SYNPR: variants seen among roughly 807,000 people sequenced by gnomAD.
SYNPR encodes the protein synaptoporin.
In SYNPR, 23 loss-of-function variants were observed where a neutral mutation model predicts 32.9. The ratio of observed to expected loss-of-function variants is 0.70; its 90% CI spans 0.50 to 0.99. SYNPR has a LOEUF of 0.99. Ranked by LOEUF, SYNPR falls within the 50% of genes least tolerant of loss-of-function variation. SYNPR has a pLI of 0.00. For synonymous variants in SYNPR, 146 were observed against 135.9 expected (o/e 1.07, Z -0.52); for missense variants, 318 against 349.3 (o/e 0.91, Z 0.71).
chr3:63,272,518 T>C (rs2086545489), intron 3 of SYNPR, among the ~76,000 whole-genome samples: 1 of 151,932 alleles, frequency 6.6e-6, no homozygotes, highest in South Asian at 2.1e-4. Flanking sequence ...GCATTTTTTT[T>C]TTTTTTTTTG....
chr3:63,552,442 G>A (rs1702519445), intron 3 of SYNPR, among the ~76,000 whole-genome samples: 2 of 152,146 alleles, frequency 1.3e-5, no homozygotes, highest in African/African-American at 4.8e-5. Flanking sequence ...GAATGCTTCT[G>A]TTGTCCTGAA....
chr3:63,473,030 T>G (rs975144793), intron 2 of SYNPR, among the ~76,000 whole-genome samples: 2 of 152,112 alleles, frequency 1.3e-5, no homozygotes, highest in Non-Finnish European at 2.9e-5. Flanking sequence ...TCTGCCTGCC[T>G]CTTAAACTGA....
chr3:63,562,308 G>A (rs1702704982), intron 4 of SYNPR, among the ~76,000 whole-genome samples: 1 of 152,200 alleles, frequency 6.6e-6, no homozygotes, highest in Admixed American at 6.5e-5. Context: ...AAGACTGACA[G>A]AATGCTTGAA....
At chr3:63,304,273 T>G (rs1024773181) in intron 2 of SYNPR, among the ~76,000 whole-genome samples, 1 of 151,920 alleles carries the variant, frequency 6.6e-6, no homozygotes, top group Non-Finnish European at 1.5e-5. Flanking sequence ...ACGTAACTGA[T>G]TCTAGTCCAG....
chr3:63,513,377 A>G (rs1016090094), intron 3 of SYNPR, among the ~76,000 whole-genome samples: 1 of 151,932 alleles, frequency 6.6e-6, no homozygotes, highest in Admixed American at 6.6e-5. Flanking sequence ...TGTAACTTAT[A>G]TTTTGTTCTG....
chr3:63,434,495 A>G (rs1223186668), intron 2 of SYNPR, among the ~76,000 whole-genome samples: 1 of 151,968 alleles, frequency 6.6e-6, no homozygotes, highest in Non-Finnish European at 1.5e-5. Context: ...TGATCAGCGA[A>G]AAAGTCAAGT....
intron 2 of SYNPR, among the ~76,000 whole-genome samples, chr3:63,348,697 G>A (rs547385187): frequency 3.3e-5 from 5 of 152,154 alleles, no homozygotes; most frequent in African/African-American, 4.8e-5. Flanking sequence ...TCTTCAATTC[G>A]TTTTTTATAG....
intron 3 of SYNPR, among the ~76,000 whole-genome samples, chr3:63,539,937 T>C (rs12053954): frequency 0.4 from 60,495 of 151,858 alleles, 12,359 homozygotes; most frequent in African/African-American, 0.49. Flanking sequence ...AATGTTAACT[T>C]TCCCACACTT....
chr3:63,507,512 A>G (rs1701612589), intron 3 of SYNPR, among the ~76,000 whole-genome samples: 1 of 152,198 alleles, frequency 6.6e-6, no homozygotes, highest in African/African-American at 2.4e-5. Context: ...CACAGTCATA[A>G]AAGACTGGGG....
At chr3:63,201,872 C>T in the SYNPR span, among the ~76,000 whole-genome samples, 1 of 152,024 alleles carries the variant, frequency 6.6e-6, no homozygotes, top group African/African-American at 2.4e-5. Flanking sequence ...ACTATTTTTA[C>T]TATTTACAAA....
chr3:63,472,698 A>G (rs1700826755), intron 2 of SYNPR, among the ~76,000 whole-genome samples: 1 of 152,110 alleles, frequency 6.6e-6, no homozygotes, highest in African/African-American at 2.4e-5. Flanking sequence ...GGGAAGTAAG[A>G]CACTTCCTTA....
At position 63,481,671 on chromosome 3, in the gene SYNPR, A is replaced by T. The variant is rs182126575; in HGVS notation, c.209+715A>T. ...AAAGAGTAGAAAGCTCAGAAATATT[A>T]AGCACGTAATCCCTGAAAATTTAGT... On this transcript the variant is annotated intron_variant, in intron 3 of 5. Coordinates refer to ENST00000478300, the MANE Select transcript of SYNPR (RefSeq NM_001130003.2). Among the ~76,000 whole-genome samples, 802 of 152,316 alleles carry T rather than the reference A, an allele frequency of 5.3e-3. 11 individuals carry two copies. Among genetic ancestry groups the T allele is most frequent in the African/African-American group, 0.018 (750 of 41,576 alleles).
At chr3:63,233,726 C>T (rs1472569241) in intron 1 of SYNPR, among the ~76,000 whole-genome samples, 1 of 152,108 alleles carries the variant, frequency 6.6e-6, no homozygotes, top group Non-Finnish European at 1.5e-5. Context: ...TAAGAGTTGT[C>T]TCCCAGGCTG....
At chr3:63,409,045 G>A (rs2088426659) in intron 2 of SYNPR, among the ~76,000 whole-genome samples, 1 of 152,054 alleles carries the variant, frequency 6.6e-6, no homozygotes, top group South Asian at 2.1e-4. Context: ...GGTGAACCTT[G>A]TCCTGACTCC....
intron 3 of SYNPR, among the ~76,000 whole-genome samples, chr3:63,555,967 C>G (rs374922555): frequency 1.3e-5 from 2 of 152,280 alleles, no homozygotes; most frequent in South Asian, 2.1e-4. Flanking sequence ...GGAAAAGGCT[C>G]TCATCTCTCA....
chr3:63,504,922 A>C (rs904178728), intron 3 of SYNPR, among the ~76,000 whole-genome samples: 1 of 152,172 alleles, frequency 6.6e-6, no homozygotes. Context: ...AAGTGATAAA[A>C]AGAGAGCAAA....
At position 63,356,149 on chromosome 3, in the gene SYNPR, G is replaced by A. The variant is rs887976374; in HGVS notation, c.84+77407G>A. On this transcript the variant is annotated intron_variant, in intron 2 of 5. Coordinates refer to ENST00000478300, the MANE Select transcript of SYNPR (RefSeq NM_001130003.2). ...CTTATACTTTAAATTTTTTTTCACT[G>A]TCTGTCCTTTGTGGAAGTCCAGAAG... Among the ~76,000 whole-genome samples, 4 of 151,922 alleles carry A rather than the reference G, an allele frequency of 2.6e-5. No individual in the cohort carries two copies. In the East Asian group the frequency reaches 7.7e-4, roughly 29 times the overall value.
intron 2 of SYNPR, among the ~76,000 whole-genome samples, chr3:63,306,271 G>T (rs891866305): frequency 1.3e-5 from 2 of 151,942 alleles, no homozygotes; most frequent in Admixed American, 6.6e-5. Flanking sequence ...CAGCCCACAG[G>T]AACAAAGCCT....
At chr3:63,356,760 C>T (rs889949123) in intron 2 of SYNPR, among the ~76,000 whole-genome samples, 4 of 152,198 alleles carry the variant, frequency 2.6e-5, no homozygotes, top group African/African-American at 9.7e-5. Context: ...GAATGTGAAA[C>T]ATATTTCCCT....
Sources: gnomAD v4.1 joint callset for allele counts (sites outside exome capture counted in the v4.1 genomes callset) on GRCh38, gnomAD v4.1.1 for gene constraint, MANE v1.5 for transcripts, NCBI Gene and HGNC (gene_info 2026-07-23, HGNC 2026-07-21) for gene names.